The following CYP7B1 variants were observed in gnomAD, a reference collection of about 807,000 sequenced individuals.
CYP7B1 encodes the protein cytochrome P450 family 7 subfamily B member 1.
A neutral mutation model predicts 42.7 loss-of-function variants in CYP7B1; 29 were observed. The ratio of observed to expected loss-of-function variants is 0.68; its 90% CI spans 0.51 to 0.93. The LOEUF is 0.93. CYP7B1 is among the 40% of genes least tolerant of loss of function. The pLI, the probability that CYP7B1 is intolerant of heterozygous loss-of-function variation, is 0.00. For synonymous variants in CYP7B1, 235 were observed against 218.2 expected, an observed-to-expected ratio of 1.08 and a Z score of -0.68; for missense variants, 655 against 600.5, an observed-to-expected ratio of 1.09 and a Z score of -0.95.
At chr8:64,639,257 C>A (rs1248544794) in intron 1 of CYP7B1, among the ~76,000 whole-genome samples, 1 of 151,914 alleles carries the variant, frequency 6.6e-6, no homozygotes, top group Non-Finnish European at 1.5e-5. Context: ...TGTTTCTTGT[C>A]CAACGTTAAA....
At chr8:64,694,389 G>A (rs895292031) in intron 1 of CYP7B1, among the ~76,000 whole-genome samples, 1 of 152,082 alleles carries the variant, frequency 6.6e-6, no homozygotes, top group Non-Finnish European at 1.5e-5. Context: ...CAGTACTGAA[G>A]CAAAACCTTC....
At chr8:64,650,383 C>T (rs940183453) in intron 1 of CYP7B1, among the ~76,000 whole-genome samples, 5 of 152,100 alleles carry the variant, frequency 3.3e-5, no homozygotes, top group African/African-American at 9.7e-5. Context: ...CGTGGTGGCT[C>T]ATGTCTGTAA....
intron 4 of CYP7B1, among the ~76,000 whole-genome samples, chr8:64,613,455 T>C (rs62519848): frequency 0.094 from 14,276 of 152,168 alleles, 692 homozygotes; most frequent in Non-Finnish European, 0.11. Flanking sequence ...CAAACACATA[T>C]TCCTTTTAGT....
At chr8:64,739,469 T>G (rs1166381885) in intron 1 of CYP7B1, among the ~76,000 whole-genome samples, 3 of 152,124 alleles carry the variant, frequency 2.0e-5, no homozygotes, top group Non-Finnish European at 4.4e-5. Context: ...CATCAAACAT[T>G]AAACACAGCC....
In CYP7B1 at chr8:64,591,557, GAAA is replaced by G. The variant is rs1199600541; in HGVS notation, c.*5082_*5084del. Among the ~76,000 whole-genome samples the G allele has an allele frequency of 3.9e-5, 6 of 152,142 alleles. No individual in the cohort carries two copies. Among genetic ancestry groups the G allele is most frequent in the Non-Finnish European group, 8.8e-5 (6 of 68,018 alleles). ...ACTGTTAAGTTAGAAGTCACTTGCA[GAAA>G]ATTACCCAAATTATTTTTATGATAA... is the stretch of plus-strand genomic sequence containing the variant. On this transcript the variant is annotated 3_prime_UTR_variant, in exon 6 of 6. Transcript: ENST00000310193.
At chr8:64,657,719 G>A (rs147707213) in intron 1 of CYP7B1, among the ~76,000 whole-genome samples, 40 of 152,168 alleles carry the variant, frequency 2.6e-4, no homozygotes, top group African/African-American at 5.5e-4. Context: ...TAATCCAATC[G>A]CCTCAAAATA....
intron 1 of CYP7B1, among the ~76,000 whole-genome samples, chr8:64,730,484 A>G (rs1250750947): frequency 6.6e-6 from 1 of 152,156 alleles, no homozygotes; most frequent in Non-Finnish European, 1.5e-5. Flanking sequence ...CTGTGCATGA[A>G]CTGAATAGCA....
At chr8:64,608,088 G>T (rs533357042) in intron 4 of CYP7B1, among the ~76,000 whole-genome samples, 1 of 152,284 alleles carries the variant, frequency 6.6e-6, no homozygotes, top group Admixed American at 6.5e-5. Flanking sequence ...GGCTAGGGAA[G>T]ACTTCTTTCT....
chr8:64,711,357 G>A (rs1327660168), intron 1 of CYP7B1, among the ~76,000 whole-genome samples: 1 of 152,114 alleles, frequency 6.6e-6, no homozygotes, highest in African/African-American at 2.4e-5. Flanking sequence ...CGTCTCTCCT[G>A]CTTGGTGGCC....
intron 1 of CYP7B1, among the ~76,000 whole-genome samples, chr8:64,693,343 A>G (rs1222179656): frequency 6.6e-6 from 1 of 152,158 alleles, no homozygotes; most frequent in East Asian, 1.9e-4. Context: ...GTGTGCACAT[A>G]TGTGCATACA....
At chr8:64,680,896 T>C (rs1806526518) in intron 1 of CYP7B1, among the ~76,000 whole-genome samples, 1 of 152,200 alleles carries the variant, frequency 6.6e-6, no homozygotes, top group South Asian at 2.1e-4. Context: ...ACTTCAAGTA[T>C]GCTGCACCAA....
At chr8:64,590,772 A>T (rs1805023129), downstream of CYP7B1, among the ~76,000 whole-genome samples, 1 of 152,200 alleles carries the variant, frequency 6.6e-6, no homozygotes, top group Non-Finnish European at 1.5e-5. Context: ...TTATTTTCCA[A>T]ATAATTTTCT....
downstream of CYP7B1, chr8:64,589,935 T>G (rs879388577): frequency 6.6e-6 from 1 of 152,174 alleles, no homozygotes; most frequent in Non-Finnish European, 1.5e-5. Flanking sequence ...CTTATAAAAG[T>G]AATCAACAGT....
intron 5 of CYP7B1, among the ~76,000 whole-genome samples, chr8:64,602,861 T>C (rs915489341): frequency 6.6e-6 from 1 of 152,206 alleles, no homozygotes; most frequent in Non-Finnish European, 1.5e-5. Context: ...CTGAGAGTGG[T>C]AGTCACTCAG....
intron 4 of CYP7B1, among the ~76,000 whole-genome samples, chr8:64,605,683 TC>T (rs1430531340): frequency 6.6e-6 from 1 of 152,204 alleles, no homozygotes; most frequent in East Asian, 1.9e-4. Context: ...TCTGCATCTC[TC>T]CCTTCATAAT....
intron 1 of CYP7B1, among the ~76,000 whole-genome samples, chr8:64,647,605 G>C (rs1035269891): frequency 6.6e-6 from 1 of 152,176 alleles, no homozygotes; most frequent in African/African-American, 2.4e-5. Context: ...GAGTCCAAAG[G>C]CCTGAGAACC....
At chr8:64,784,154 A>G (rs1804480764) in intron 1 of CYP7B1, among the ~76,000 whole-genome samples, 1 of 152,154 alleles carries the variant, frequency 6.6e-6, no homozygotes, top group African/African-American at 2.4e-5. Flanking sequence ...TAGTGCCTCA[A>G]AGGTACTTGC....
intron 1 of CYP7B1, among the ~76,000 whole-genome samples, chr8:64,743,508 C>A (rs1479968185): frequency 1.3e-5 from 2 of 152,074 alleles, no homozygotes; most frequent in Non-Finnish European, 2.9e-5. Flanking sequence ...TCAAGGTGTC[C>A]ACAGGGTTAG....
At chr8:64,700,106 G>GACGA (rs1806891071) in intron 1 of CYP7B1, among the ~76,000 whole-genome samples, 1 of 152,140 alleles carries the variant, frequency 6.6e-6, no homozygotes, top group East Asian at 1.9e-4. Flanking sequence ...AGACAGTGGG[G>GACGA]ACGACGCATA....
Sources: allele counts gnomAD v4.1 joint callset (sites outside exome capture counted in the v4.1 genomes callset), GRCh38; gene constraint gnomAD v4.1.1; transcripts MANE v1.5; gene names NCBI Gene and HGNC (gene_info 2026-07-23, HGNC 2026-07-21).